The following STPG2 variants were observed in gnomAD, a reference collection of about 807,000 sequenced individuals.
STPG2 encodes the protein sperm tail PG-rich repeat containing 2.
In STPG2, 56 loss-of-function variants were observed where a neutral mutation model predicts 54.2. The ratio of observed to expected loss-of-function variants is 1.03; its 90% CI spans 0.83 to 1.29. The LOEUF is 1.29. STPG2 is among the 50% of genes most tolerant of loss of function. The probability of loss-of-function intolerance (pLI) is 0.00; values close to 1 mark genes in which losing one functional copy is unlikely to be tolerated. For synonymous variants in STPG2, 200 were observed against 181.8 expected, an observed-to-expected ratio of 1.10 and a Z score of -0.81; for missense variants, 596 against 544.9, an observed-to-expected ratio of 1.09 and a Z score of -0.93.
intron 8 of STPG2, among the ~76,000 whole-genome samples, chr4:97,894,087 G>A (rs1730867019): frequency 6.6e-6 from 1 of 151,954 alleles, no homozygotes; most frequent in African/African-American, 2.4e-5. Flanking sequence ...AAGATACTTT[G>A]CAGAAATCTA....
At position 97,721,594 on chromosome 4, in the gene STPG2, T is replaced by TA. The variant is rs559467601; in HGVS notation, c.1205-8781dup. On this transcript the variant is annotated intron_variant, in intron 9 of 10. Transcript: ENST00000295268. ...TTTTGAAAGGAAGTATACTCTATAATAAAAAAAATTAAGATTTTGGTATTT... is the reference window on the plus strand; with the variant it reads ...TTTTGAAAGGAAGTATACTCTATAATAAAAAAAAATTAAGATTTTGGTATTT... 4.3e-4 allele frequency among the ~76,000 whole-genome samples: 65 copies of TA among 152,056 alleles called. No individual in the cohort carries two copies. The East Asian group carries it at 9.6e-3, about 23-fold the overall frequency.
Position 97,564,459 on chromosome 4 carries a change from T to A in STPG2, c.1321-5342A>T, listed in dbSNP as rs1176777699. ...TTTAAAGTTAATATTGTTATGTGTG[T>A]ATTTGAGCCTGTCATTATGATGTTA... On this transcript the variant is annotated intron_variant, in intron 10 of 10. Transcript: ENST00000295268. Among the ~76,000 whole-genome samples the A allele has an allele frequency of 7.2e-5, 11 of 152,256 alleles. No homozygotes were observed. In the South Asian group the frequency reaches 1.0e-3, roughly 14 times the overall value.
intron 8 of STPG2, among the ~76,000 whole-genome samples, chr4:97,924,169 C>T (rs540457593): frequency 1.2e-3 from 185 of 152,208 alleles, no homozygotes; most frequent in African/African-American, 4.3e-3. Flanking sequence ...AGGAAGAAAC[C>T]CTGAACACAT....
rs553792213 is a variant in STPG2, at chr4:98,043,857, T to C, written c.612+62096A>G. 2.6e-5 allele frequency among the ~76,000 whole-genome samples: 4 copies of C among 152,104 alleles called. No individual in the cohort carries two copies. In the South Asian group the frequency reaches 8.3e-4, roughly 32 times the overall value. ...TCATGGGAGTATGTTGTACAGATTA[T>C]TTTTTGTCACCCAGGCACTAAGTCT... On this transcript the variant is annotated intron_variant, in intron 5 of 10. Coordinates refer to ENST00000295268, the MANE Select transcript of STPG2 (RefSeq NM_174952.3).
chr4:97,661,862 G>C (rs1722384995), intron 10 of STPG2, among the ~76,000 whole-genome samples: 1 of 152,114 alleles, frequency 6.6e-6, no homozygotes, highest in East Asian at 1.9e-4. Flanking sequence ...CAGAGCTTTG[G>C]CAAGCATTGC....
chr4:98,123,153 T>G (rs990054795), intron 3 of STPG2, among the ~76,000 whole-genome samples: 1 of 152,180 alleles, frequency 6.6e-6, no homozygotes, highest in Non-Finnish European at 1.5e-5. Context: ...GCTTCTGGGT[T>G]CATTGATTTT....
At chr4:97,976,431 C>T (rs73832115) in intron 6 of STPG2, among the ~76,000 whole-genome samples, 1,992 of 152,214 alleles carry the variant, frequency 0.013, 53 homozygotes, top group African/African-American at 0.045. Flanking sequence ...ACATACACAT[C>T]TCAGGTACTA....
chr4:97,524,708 C>A (rs768685216), intron 4 of STPG2, among the ~76,000 whole-genome samples: 1 of 151,896 alleles, frequency 6.6e-6, no homozygotes, highest in Non-Finnish European at 1.5e-5. Context: ...TTCTGAATTT[C>A]TTCCTAGTGT....
chr4:97,798,069 C>G (rs946699962), intron 9 of STPG2, among the ~76,000 whole-genome samples: 1 of 151,926 alleles, frequency 6.6e-6, no homozygotes, highest in African/African-American at 2.4e-5. Context: ...CTATTTGATT[C>G]TTCTCTCTTC....
At chr4:97,891,393 A>G (rs1425671481) in intron 8 of STPG2, among the ~76,000 whole-genome samples, 1 of 152,104 alleles carries the variant, frequency 6.6e-6, no homozygotes, top group Non-Finnish European at 1.5e-5. Context: ...AACTTTGTGT[A>G]ACAGACATTT....
intron 1 of STPG2, among the ~76,000 whole-genome samples, chr4:98,135,826 C>G (rs1740119780): frequency 6.6e-6 from 1 of 151,790 alleles, no homozygotes; most frequent in African/African-American, 2.4e-5. Context: ...ATTCAGGACA[C>G]CAATGAAACA....
At chr4:97,522,763 T>C (rs905178514) in intron 4 of STPG2, among the ~76,000 whole-genome samples, 2 of 151,862 alleles carry the variant, frequency 1.3e-5, no homozygotes, top group Non-Finnish European at 2.9e-5. Flanking sequence ...TGGCAAATGT[T>C]TTGGTTGGGC....
At chr4:97,831,920 C>T (rs540641732) in intron 9 of STPG2, among the ~76,000 whole-genome samples, 36 of 152,180 alleles carry the variant, frequency 2.4e-4, no homozygotes, top group Non-Finnish European at 4.9e-4. Context: ...GATGGATTCA[C>T]AGCCAAATTC....
intron 3 of STPG2, among the ~76,000 whole-genome samples, chr4:98,111,246 C>CT (rs1739339841): frequency 1.3e-5 from 2 of 152,108 alleles, no homozygotes; most frequent in Non-Finnish European, 2.9e-5. Context: ...GCTGAACCCT[C>CT]TTAACATCCC....
chr4:98,076,346 T>C (rs980899587), intron 5 of STPG2, among the ~76,000 whole-genome samples: 24 of 144,574 alleles, frequency 1.7e-4, no homozygotes, highest in African/African-American at 5.6e-4. Context: ...TAAAAGTCTT[T>C]CAAAATTTTA....
intron 3 of STPG2, among the ~76,000 whole-genome samples, chr4:98,111,241 A>G (rs1739339649): frequency 6.6e-6 from 1 of 152,048 alleles, no homozygotes; most frequent in African/African-American, 2.4e-5. Context: ...TCTCAGCTGA[A>G]CCCTCTTAAC....
intron 10 of STPG2, among the ~76,000 whole-genome samples, chr4:97,619,247 G>A (rs1160162078): frequency 1.3e-5 from 2 of 152,020 alleles, no homozygotes; most frequent in Non-Finnish European, 2.9e-5. Context: ...GTATGTGTGT[G>A]TGTGTGTATA....
intron 8 of STPG2, among the ~76,000 whole-genome samples, chr4:97,923,190 G>A (rs927037844): frequency 1.2e-4 from 18 of 152,370 alleles, no homozygotes; most frequent in African/African-American, 3.8e-4. Context: ...CTGCACTGTG[G>A]GAGCCCCTTT....
chr4:97,865,373 C>A (rs2149146465), intron 8 of STPG2, among the ~76,000 whole-genome samples: 1 of 152,252 alleles, frequency 6.6e-6, no homozygotes, highest in Non-Finnish European at 1.5e-5. Context: ...CAGAGAAATG[C>A]AAATCAATAC....
Sources: gnomAD v4.1 joint callset for allele counts (sites outside exome capture counted in the v4.1 genomes callset) on GRCh38, gnomAD v4.1.1 for gene constraint, MANE v1.5 for transcripts, NCBI Gene and HGNC (gene_info 2026-07-23, HGNC 2026-07-21) for gene names.